RPGRIP1L: variants seen among roughly 807,000 people sequenced by gnomAD.
The protein encoded by RPGRIP1L is protein fantom.
Under a neutral mutation model 160.4 loss-of-function variants are expected in RPGRIP1L, and 131 were observed. The observed-to-expected ratio is 0.82, with a 90% CI of 0.71 to 0.94. The LOEUF is 0.94. Ranked by LOEUF, RPGRIP1L falls within the 40% of genes least tolerant of loss-of-function variation. The probability of loss-of-function intolerance (pLI) is 0.00; values close to 1 mark genes in which losing one functional copy is unlikely to be tolerated. For synonymous variants in RPGRIP1L, 510 were observed against 515.8 expected, an observed-to-expected ratio of 0.99 and a Z score of 0.15; for missense variants, 1,522 against 1,535.8, an observed-to-expected ratio of 0.99 and a Z score of 0.15.
intron 24 of RPGRIP1L, among the ~76,000 whole-genome samples, chr16:53,617,607 T>A (rs76238706): frequency 1.0e-3 from 152 of 152,308 alleles, no homozygotes; most frequent in African/African-American, 3.3e-3. Flanking sequence ...TAAGCTGAAG[T>A]AGATCTTAGA....
chr16:53,696,788 T>A (rs7187504), intron 2 of RPGRIP1L, among the ~76,000 whole-genome samples: 31,720 of 152,172 alleles, frequency 0.21, 4,541 homozygotes, highest in East Asian at 0.44. Context: ...TTTAAAAATT[T>A]TCATTTAAAA....
chr16:53,661,508 A>C (rs1967796951), intron 10 of RPGRIP1L, among the ~76,000 whole-genome samples: 1 of 152,184 alleles, frequency 6.6e-6, no homozygotes, highest in South Asian at 2.1e-4. Context: ...TTAGGTAACA[A>C]AAAGAAGGCA....
Position 53,687,906 on chromosome 16 carries a change from C to A in RPGRIP1L, c.589G>T (p.Gly197Cys). Residue 197 changes from glycine to cysteine, a missense_variant, in exon 5 of 27, where the codon GGC becomes TGC. Transcript: ENST00000647211. ...ETPHPMFTKY[G>C]NSLLEEARGE... is the part of the protein sequence containing the mutation. ...CTGGCTTCTTCAAGTAAACTGTTGC[C>A]ATATTTTGTAAACATGGGATGTGGA... The A allele has an allele frequency of 6.2e-7, 1 of 1,611,774 alleles. No homozygotes were observed. The highest frequency in any genetic ancestry group is 1.1e-5 in the South Asian group (1 of 90,932).
At chr16:53,656,863 A>C (rs1967299447) in intron 13 of RPGRIP1L, among the ~76,000 whole-genome samples, 1 of 152,222 alleles carries the variant, frequency 6.6e-6, no homozygotes. Context: ...CTTCAGGATA[A>C]CTATAACTCA....
At chr16:53,701,127 C>T (rs1041203899) in intron 1 of RPGRIP1L, among the ~76,000 whole-genome samples, 3 of 152,178 alleles carry the variant, frequency 2.0e-5, no homozygotes, top group Non-Finnish European at 4.4e-5. Flanking sequence ...GAGTTTCAGT[C>T]TCTCAGTTTT....
At chr16:53,661,176 C>T (rs548512970) in intron 10 of RPGRIP1L, among the ~76,000 whole-genome samples, 1 of 151,586 alleles carries the variant, frequency 6.6e-6, no homozygotes, top group South Asian at 2.1e-4. Flanking sequence ...TGCCTGTAGT[C>T]CCAGCTACTC....
intron 13 of RPGRIP1L, among the ~76,000 whole-genome samples, chr16:53,657,171 C>T (rs1001756585): frequency 1.3e-5 from 2 of 151,710 alleles, no homozygotes; most frequent in Non-Finnish European, 2.9e-5. Flanking sequence ...ACCTGGGAGG[C>T]GGAGGTTGCA....
intron 17 of RPGRIP1L, among the ~76,000 whole-genome samples, chr16:53,643,286 C>T (rs529620894): frequency 4.2e-5 from 6 of 143,196 alleles, no homozygotes; most frequent in East Asian, 4.1e-4. Flanking sequence ...CCAGCCTGGG[C>T]GACAGAGCAA....
chr16:53,604,445 G>C (rs187515521), intron 26 of RPGRIP1L, among the ~76,000 whole-genome samples: 51 of 152,330 alleles, frequency 3.3e-4, no homozygotes, highest in Non-Finnish European at 6.5e-4. Context: ...ATGGGACTAG[G>C]AATCAGCCTT....
intron 14 of RPGRIP1L, 36 bp downstream of exon 14, chr16:53,656,436 T>C (rs1177147118): frequency 7.9e-7 from 1 of 1,270,576 alleles, no homozygotes; most frequent in Non-Finnish European, 1.2e-6. Context: ...TCCATTCCTC[T>C]AGTTACTGTG....
At chr16:53,659,351 G>A (rs1486461942) in intron 10 of RPGRIP1L, 1 of 216,470 alleles carries the variant, frequency 4.6e-6, no homozygotes, top group Non-Finnish European at 8.2e-6. Flanking sequence ...ATGGTAGGGG[G>A]GTGAGGGATG....
At chr16:53,642,769 G>A (rs536102608) in intron 17 of RPGRIP1L, among the ~76,000 whole-genome samples, 1 of 152,278 alleles carries the variant, frequency 6.6e-6, no homozygotes, top group East Asian at 1.9e-4. Flanking sequence ...TGCCAGTCTA[G>A]GATAGGCTAA....
intron 22 of RPGRIP1L, among the ~76,000 whole-genome samples, chr16:53,627,816 G>A (rs916040834): frequency 2.6e-5 from 4 of 151,426 alleles, no homozygotes; most frequent in Non-Finnish European, 5.9e-5. Flanking sequence ...CTGTTGTACA[G>A]AATCCTATTT....
At chr16:53,637,923 A>G in intron 20 of RPGRIP1L, 69 bp from the exon 21 acceptor site, 1 of 1,460,078 alleles carries the variant, frequency 6.8e-7, no homozygotes, top group South Asian at 1.1e-5. Context: ...TTATTGCTGG[A>G]ACAGTTGAAT....
At chr16:53,675,237 C>A in intron 6 of RPGRIP1L, 115 bp from the exon 7 acceptor site, 2 of 693,740 alleles carry the variant, frequency 2.9e-6, no homozygotes, top group Non-Finnish European at 5.2e-6. Context: ...TATTTATATA[C>A]TTGTACATCA....
In RPGRIP1L at chr16:53,641,381, T is replaced by C. The variant is rs1293313012; in HGVS notation, c.2778A>G (p.Ser926=). ...WKFAYLPPSG[S]ITTEDLGNFI... is the part of the protein sequence containing the mutation. ...AATTTCCTAAGTCTTCAGTTGTTAT[T>C]GATCCACTTGGTGGAAGGTAAGCAA... The change falls in exon 18 of 27, where the codon TCA becomes TCG. Residue 926 remains serine, a synonymous_variant. Transcript: ENST00000647211. 1 of 1,614,114 alleles carries C rather than the reference T, an allele frequency of 6.2e-7. No individual in the cohort carries two copies. Among genetic ancestry groups the C allele is most frequent in the South Asian group, 1.1e-5 (1 of 91,082 alleles).
At chr16:53,667,961 G>A (rs1968410923) in intron 9 of RPGRIP1L, among the ~76,000 whole-genome samples, 2 of 152,122 alleles carry the variant, frequency 1.3e-5, no homozygotes, top group South Asian at 2.1e-4. Flanking sequence ...GGGAGGCTGA[G>A]GTGGGAGGAT....
intron 4 of RPGRIP1L, among the ~76,000 whole-genome samples, chr16:53,690,249 T>C (rs1054649350): frequency 6.6e-6 from 1 of 152,170 alleles, no homozygotes; most frequent in Admixed American, 6.5e-5. Context: ...CAGGTTGGAG[T>C]GCAATGGTGC....
Position 53,703,784 on chromosome 16 carries a change from C to T in RPGRIP1L, c.-8+19G>A, listed in dbSNP as rs1436927417. 5.7e-6 allele frequency: 2 copies of T among 350,870 alleles called. No individual in the cohort carries two copies. Among genetic ancestry groups the T allele is most frequent in the East Asian group, 6.7e-5 (1 of 14,920 alleles). The allele number at this position is 350,870 out of a possible 1,614,324, so 21.7% of individuals were successfully genotyped here. On this transcript the variant is annotated intron_variant, in intron 1 of 26. Coordinates refer to ENST00000647211, the MANE Select transcript of RPGRIP1L (RefSeq NM_015272.5). ...ACCTCCACCCACCCTCATCCTCCCC[C>T]ATCCTCCCGGGTACTCACCGTGCCA...
Sources: allele counts gnomAD v4.1 joint callset (sites outside exome capture counted in the v4.1 genomes callset), GRCh38; gene constraint gnomAD v4.1.1; transcripts MANE v1.5; gene names NCBI Gene and HGNC (gene_info 2026-07-23, HGNC 2026-07-21).